The following HERC4 variants were observed in gnomAD, a reference collection of about 807,000 sequenced individuals.
The protein encoded by HERC4 is HECT and RLD domain containing E3 ubiquitin protein ligase 4.
In HERC4, 28 loss-of-function variants were observed where a neutral mutation model predicts 124.3. The observed-to-expected ratio is 0.23, with a 90% CI of 0.17 to 0.31. The LOEUF is 0.31. Among genes scored for constraint, HERC4 ranks in the 10% least tolerant of loss-of-function variants. The pLI is 1.00. For synonymous variants in HERC4, 407 were observed against 421.5 expected (o/e 0.97, Z 0.42); for missense variants, 713 against 1,229.3 (o/e 0.58, Z 6.28).
chr10:67,923,275 G>A, intron 24 of HERC4, 136 bp from the exon 25 acceptor site: 1 of 601,044 alleles, frequency 1.7e-6, no homozygotes, highest in Non-Finnish European at 2.8e-6. Flanking sequence ...CCTAATTTGT[G>A]GAAGACAAGT....
At chr10:67,930,863 A>G (rs1351270446) in intron 23 of HERC4, among the ~76,000 whole-genome samples, 3 of 152,062 alleles carry the variant, frequency 2.0e-5, no homozygotes, top group Non-Finnish European at 2.9e-5. Context: ...TATTTTTAGT[A>G]GGGATGGGGT....
chr10:67,947,570 T>C (rs1019433885), intron 19 of HERC4, among the ~76,000 whole-genome samples: 9 of 152,062 alleles, frequency 5.9e-5, no homozygotes, highest in Admixed American at 4.6e-4. Context: ...AATAAGGAAA[T>C]AGAGAACCTG....
chr10:68,051,771 C>T (rs1320459464), intron 3 of HERC4, among the ~76,000 whole-genome samples: 5 of 150,742 alleles, frequency 3.3e-5, no homozygotes, highest in Admixed American at 6.6e-5. Flanking sequence ...CTCACTGCAA[C>T]CCCGCCTCCG....
chr10:68,034,801 C>T (rs2039372677), intron 5 of HERC4, among the ~76,000 whole-genome samples: 1 of 151,944 alleles, frequency 6.6e-6, no homozygotes. Flanking sequence ...CCTAGGGAGT[C>T]TTCCTTAATA....
At chr10:68,069,654 A>G in intron 3 of HERC4, 5 of 982,394 alleles carry the variant, frequency 5.1e-6, no homozygotes, top group Non-Finnish European at 6.0e-6. Context: ...ATTCCTTATT[A>G]GTTATGGAAT....
chr10:68,019,207 G>A lies in HERC4; in HGVS notation c.909-5021C>T, dbSNP rs1277809782. On this transcript the variant is annotated intron_variant, in intron 8 of 24. Transcript: ENST00000373700. ...GACAGGGTTTCACCATGTTGGTCAGGCTGGTCTCAAACTCCCGACCTCAGG... is the reference window on the plus strand; with the variant it reads ...GACAGGGTTTCACCATGTTGGTCAGACTGGTCTCAAACTCCCGACCTCAGG... Among the ~76,000 whole-genome samples the A allele has an allele frequency of 3.9e-5, 6 of 152,038 alleles. No homozygotes were observed. In the East Asian group the frequency reaches 1.2e-3, roughly 29 times the overall value.
In HERC4 at chr10:67,955,076, T is replaced by C; in HGVS notation, c.2080A>G (p.Ile694Val). Residue 694 changes from isoleucine (I) to valine (V), a missense_variant, in exon 18 of 25, where the codon ATT (isoleucine) becomes GTT (valine). Transcript: ENST00000373700. ...ATTAAGCAGGGATTCACAGATTCAA[T>C]CACTGGGAGAAAAAGAGAGGAGACA... ...QNVSSLFLPV[I>V]ESVNPCLILV... 1 of 1,594,190 alleles carries C rather than the reference T, an allele frequency of 6.3e-7. No homozygotes were observed.
intron 15 of HERC4, among the ~76,000 whole-genome samples, chr10:67,976,875 GAACTGTGGGTCCCAGTTGTCA>G (rs2035621368): frequency 6.6e-6 from 1 of 152,202 alleles, no homozygotes; most frequent in African/African-American, 2.4e-5. Flanking sequence ...AGCCAGAGGG[GAACTGTGGGTCCCAGTTGTCA>G]AAATGTGAGT....
At chr10:68,040,971 C>T (rs779649847) in intron 4 of HERC4, among the ~76,000 whole-genome samples, 1 of 151,518 alleles carries the variant, frequency 6.6e-6, no homozygotes, top group Non-Finnish European at 1.5e-5. Flanking sequence ...TATACACACA[C>T]ACACATTGGA....
intron 3 of HERC4, among the ~76,000 whole-genome samples, chr10:68,050,184 C>T (rs983041088): frequency 6.6e-6 from 1 of 152,104 alleles, no homozygotes; most frequent in Non-Finnish European, 1.5e-5. Flanking sequence ...CAAAGTGAGA[C>T]CCTTTCTCAA....
At chr10:68,022,499 C>CT (rs2038683660) in intron 8 of HERC4, among the ~76,000 whole-genome samples, 7 of 110,264 alleles carry the variant, frequency 6.3e-5, no homozygotes, top group African/African-American at 3.0e-4. Context: ...AACTCCATCT[C>CT]AAAATAAATA....
chr10:68,061,364 T>C (rs1170598762), intron 3 of HERC4, among the ~76,000 whole-genome samples: 1 of 151,364 alleles, frequency 6.6e-6, no homozygotes, highest in Non-Finnish European at 1.5e-5. Flanking sequence ...AAACCCCATC[T>C]CTACTGAAAA....
rs372916791 is a variant in HERC4 at position 67,992,589 on chromosome 10, C to T, written c.1146+17G>A. The T allele has an allele frequency of 1.0e-4, 137 of 1,373,774 alleles. No individual in the cohort carries two copies. The highest frequency in any genetic ancestry group is 1.3e-4 in the Non-Finnish European group (130 of 987,146). The allele number at this position is 1,373,774 out of a possible 1,614,324, so 85.1% of individuals were successfully genotyped here. A position where few individuals can be genotyped will look rare whatever the true frequency, so the allele number is the denominator to read the frequency against. The stretch of plus-strand genomic sequence containing the variant: ...ATTATTGGAGCTATTTAATTATTTA[C>T]ATGACTATATTATTACCTGGGGACT... On this transcript the variant is annotated intron_variant, in intron 10 of 24. Coordinates refer to ENST00000373700, the MANE Select transcript of HERC4 (RefSeq NM_015601.4).
At chr10:67,932,869 C>T in intron 22 of HERC4, 89 bp from the exon 23 acceptor site, 2 of 1,142,532 alleles carry the variant, frequency 1.8e-6, no homozygotes, top group Non-Finnish European at 2.5e-6. Flanking sequence ...AGTGCTCCTA[C>T]AATTTCTGCT....
In HERC4 at chr10:67,923,066, T is replaced by G; in HGVS notation, c.3015A>C (p.Gly1005=). ...KSLKLVIQST[G]GGEEYLPVSH... ...AAACTGGGAGATACTCCTCACCACC[T>G]CCTGTGGACTGGATGACTAGTTTCA... Residue 1005 remains glycine (G), a synonymous_variant, in exon 25 of 25, where the codon GGA becomes GGC. Transcript: ENST00000373700. 6.2e-7 allele frequency: 1 copy of G among 1,613,836 alleles called. No individual in the cohort carries two copies. Among genetic ancestry groups the G allele is most frequent in the Non-Finnish European group, 8.5e-7 (1 of 1,179,812 alleles).
intron 19 of HERC4, among the ~76,000 whole-genome samples, chr10:67,948,677 T>C (rs1000046380): frequency 6.6e-6 from 1 of 151,942 alleles, no homozygotes; most frequent in Non-Finnish European, 1.5e-5. Flanking sequence ...TCCCAGCACT[T>C]TGGGAGGCTG....
chr10:67,965,103 G>A (rs1422362093), intron 16 of HERC4: 5 of 152,058 alleles, frequency 3.3e-5, no homozygotes, highest in Non-Finnish European at 1.5e-5. Context: ...CTTCAATCAT[G>A]TCAAGCTTGT....
chr10:67,938,255 A>C (rs1245363261), intron 21 of HERC4, among the ~76,000 whole-genome samples: 2 of 151,596 alleles, frequency 1.3e-5, no homozygotes, highest in African/African-American at 4.8e-5. Context: ...ATCCTGGCCA[A>C]CATGGTGAAA....
intron 5 of HERC4, among the ~76,000 whole-genome samples, chr10:68,036,258 C>T (rs1241679707): frequency 6.7e-6 from 1 of 149,636 alleles, no homozygotes; most frequent in Non-Finnish European, 1.5e-5. Flanking sequence ...GCGGAGCTTG[C>T]AGTGAGCCGA....
Sources: allele counts gnomAD v4.1 joint callset (sites outside exome capture counted in the v4.1 genomes callset), GRCh38; gene constraint gnomAD v4.1.1; transcripts MANE v1.5; gene names NCBI Gene and HGNC (gene_info 2026-07-23, HGNC 2026-07-21).